TCF7L2: variants seen among roughly 807,000 people sequenced by gnomAD.
The protein encoded by TCF7L2 is transcription factor 7 like 2.
In TCF7L2, 23 loss-of-function variants were observed where a neutral mutation model predicts 77.9. That is an observed-to-expected ratio of 0.30 (90% CI 0.21 to 0.42). The LOEUF (loss-of-function observed/expected upper bound fraction) is 0.42. Ranked by LOEUF, TCF7L2 falls within the 10% of genes least tolerant of loss-of-function variation. The pLI is 1.00. For missense variants in TCF7L2, 654 were observed against 793.1 expected (o/e 0.82, Z 2.11); for synonymous variants, 413 against 340.2 (o/e 1.21, Z -2.36).
chr10:113,107,660 G>A (rs1194729232), intron 5 of TCF7L2, among the ~76,000 whole-genome samples: 2 of 149,624 alleles, frequency 1.3e-5, no homozygotes, highest in Non-Finnish European at 3.0e-5. Flanking sequence ...GGAGAATGGC[G>A]TGAACCCGGG....
intron 8 of TCF7L2, among the ~76,000 whole-genome samples, chr10:113,150,780 T>C (rs2070588481): frequency 1.3e-5 from 2 of 152,244 alleles, no homozygotes; most frequent in African/African-American, 4.8e-5. Flanking sequence ...AATCATAATG[T>C]CTTATGTCAG....
intron 5 of TCF7L2, among the ~76,000 whole-genome samples, chr10:113,058,995 G>A (rs35519679): frequency 0.32 from 48,026 of 152,002 alleles, 9,215 homozygotes; most frequent in African/African-American, 0.54. Context: ...CCAAACCTGC[G>A]AAATCACTAA....
chr10:113,161,650 C>T, intron 13 of TCF7L2: 2 of 1,532,354 alleles, frequency 1.3e-6, no homozygotes, highest in South Asian at 1.2e-5. Flanking sequence ...TGTAGTGCCT[C>T]CCTCGTCACG....
At chr10:112,978,633 ATTTTTTT>A (rs988727404) in intron 4 of TCF7L2, among the ~76,000 whole-genome samples, 2 of 126,872 alleles carry the variant, frequency 1.6e-5, no homozygotes, top group African/African-American at 6.1e-5. Context: ...CGCCTGGCTA[ATTTTTTT>A]TTTTTTTTTT....
At chr10:113,002,323 C>A (rs539988526) in intron 4 of TCF7L2, among the ~76,000 whole-genome samples, 1 of 152,076 alleles carries the variant, frequency 6.6e-6, no homozygotes, top group Non-Finnish European at 1.5e-5. Flanking sequence ...TTTAGGTCGG[C>A]GGTTTTCAAA....
chr10:112,982,415 T>A (rs143676364), intron 4 of TCF7L2, among the ~76,000 whole-genome samples: 273 of 152,226 alleles, frequency 1.8e-3, no homozygotes, highest in Middle Eastern at 3.4e-3. Flanking sequence ...GTTTATTGGG[T>A]TTATGACTAT....
chr10:112,983,031 AATT>A (rs2040771056), intron 4 of TCF7L2, among the ~76,000 whole-genome samples: 1 of 152,154 alleles, frequency 6.6e-6, no homozygotes, highest in African/African-American at 2.4e-5. Flanking sequence ...TGGGACTTAT[AATT>A]ATTATTTAGC....
At chr10:113,125,791 A>G (rs2065489935) in intron 5 of TCF7L2, 1 of 136,336 alleles carries the variant, frequency 7.3e-6, no homozygotes, top group African/African-American at 2.6e-5. Context: ...TACCACAAAC[A>G]AAAAAGAGAA....
intron 4 of TCF7L2, among the ~76,000 whole-genome samples, chr10:113,025,498 C>A (rs1314221413): frequency 6.6e-6 from 1 of 152,102 alleles, no homozygotes; most frequent in Admixed American, 6.5e-5. Context: ...CTTGGCCTCC[C>A]AGAGTGATGG....
intron 4 of TCF7L2, among the ~76,000 whole-genome samples, chr10:113,004,729 A>G (rs1201728100): frequency 1.3e-5 from 2 of 151,526 alleles, no homozygotes; most frequent in African/African-American, 2.4e-5. Flanking sequence ...TTGGAGTGCA[A>G]TGGTGCCATC....
chr10:113,003,003 T>C (rs982936613), intron 4 of TCF7L2, among the ~76,000 whole-genome samples: 3 of 152,262 alleles, frequency 2.0e-5, no homozygotes, highest in Non-Finnish European at 4.4e-5. Context: ...AGGAAATATT[T>C]ATTCTTATGA....
intron 3 of TCF7L2, among the ~76,000 whole-genome samples, chr10:112,962,428 G>A (rs1231159521): frequency 1.3e-5 from 2 of 152,090 alleles, no homozygotes; most frequent in Non-Finnish European, 2.9e-5. Context: ...AAGAATTCCA[G>A]GCTCGCAGAG....
At chr10:113,015,855 G>A (rs541497550) in intron 4 of TCF7L2, among the ~76,000 whole-genome samples, 1 of 152,316 alleles carries the variant, frequency 6.6e-6, no homozygotes, top group Non-Finnish European at 1.5e-5. Context: ...AACGTAACGT[G>A]TGCTTCAGAT....
At chr10:113,048,791 G>A (rs1347065673) in intron 5 of TCF7L2, among the ~76,000 whole-genome samples, 9 of 152,198 alleles carry the variant, frequency 5.9e-5, no homozygotes, top group Admixed American at 5.2e-4. Flanking sequence ...GAGGAATCCT[G>A]GGATGGGGCC....
rs1461498256 is a variant in TCF7L2, at chr10:113,165,576, C to A, written c.1413C>A (p.Arg471=). The change falls in exon 14 of 14, where the codon CGC becomes CGA. Residue 471 remains arginine (R), a synonymous_variant. Coordinates refer to ENST00000627217, the MANE Select transcript of TCF7L2 (RefSeq NM_001146274.2). ...CTAGGAGAAAAAAAAAGTGCGTTCGCTACATACAAGGTGAAGGCAGCTGCC... is the reference window on the plus strand; with the variant it reads ...CTAGGAGAAAAAAAAAGTGCGTTCGATACATACAAGGTGAAGGCAGCTGCC... 1 of 1,614,044 alleles carries A rather than the reference C, an allele frequency of 6.2e-7. No individual in the cohort carries two copies. Among genetic ancestry groups the A allele is most frequent in the East Asian group, 2.2e-5 (1 of 44,870 alleles).
chr10:113,106,573 A>G (rs1475984265), intron 5 of TCF7L2, among the ~76,000 whole-genome samples: 1 of 152,182 alleles, frequency 6.6e-6, no homozygotes. Context: ...TGTTGATATG[A>G]TGATCAGGAG....
At chr10:113,014,935 C>A (rs2047090498) in intron 4 of TCF7L2, among the ~76,000 whole-genome samples, 2 of 152,218 alleles carry the variant, frequency 1.3e-5, no homozygotes, top group Admixed American at 6.5e-5. Flanking sequence ...TGCCTATAAT[C>A]CCAGCACGCT....
intron 5 of TCF7L2, among the ~76,000 whole-genome samples, chr10:113,140,940 G>T (rs539598326): frequency 6.6e-6 from 1 of 152,258 alleles, no homozygotes; most frequent in South Asian, 2.1e-4. Flanking sequence ...GGGTTGAGAA[G>T]GTATTTTAAA....
intron 5 of TCF7L2, among the ~76,000 whole-genome samples, chr10:113,100,213 A>C (rs920756056): frequency 4.6e-5 from 7 of 152,352 alleles, no homozygotes; most frequent in African/African-American, 1.7e-4. Flanking sequence ...GCATCCCGAG[A>C]GCACGGGTAC....
Sources: allele counts gnomAD v4.1 joint callset (sites outside exome capture counted in the v4.1 genomes callset), GRCh38; gene constraint gnomAD v4.1.1; transcripts MANE v1.5; gene names NCBI Gene and HGNC (gene_info 2026-07-23, HGNC 2026-07-21).